Variants in CPA6 observed in about 807,000 individuals in gnomAD.
The protein encoded by CPA6 is carboxypeptidase A6.
In CPA6, 58 loss-of-function variants were observed where a neutral mutation model predicts 63.3. The observed-to-expected ratio is 0.92, with a 90% CI of 0.74 to 1.14. The LOEUF (loss-of-function observed/expected upper bound fraction) is 1.14. Among genes scored for constraint, CPA6 ranks in the 50% most tolerant of loss-of-function variants. CPA6 has a pLI of 0.00. For synonymous variants in CPA6, 185 were observed against 179.0 expected, an observed-to-expected ratio of 1.03 and a Z score of -0.27; for missense variants, 565 against 526.6, an observed-to-expected ratio of 1.07 and a Z score of -0.71.
intron 2 of CPA6, among the ~76,000 whole-genome samples, chr8:67,591,159 T>A (rs1171956177): frequency 6.6e-6 from 1 of 152,218 alleles, no homozygotes; most frequent in East Asian, 1.9e-4. Context: ...TCCCCATTGC[T>A]TGTTTTTCTC....
intron 2 of CPA6, among the ~76,000 whole-genome samples, chr8:67,611,412 C>A (rs1814804411): frequency 6.6e-6 from 1 of 152,110 alleles, no homozygotes; most frequent in Admixed American, 6.6e-5. Context: ...TCTCTATATT[C>A]CACTTTAGAT....
At chr8:67,524,677 A>T (rs1032896907) in intron 2 of CPA6, among the ~76,000 whole-genome samples, 1 of 151,584 alleles carries the variant, frequency 6.6e-6, no homozygotes, top group African/African-American at 2.4e-5. Flanking sequence ...GGACTCGGAC[A>T]TACCTTTTTT....
intron 6 of CPA6, among the ~76,000 whole-genome samples, chr8:67,488,651 C>T (rs1322864681): frequency 6.6e-6 from 1 of 152,190 alleles, no homozygotes; most frequent in African/African-American, 2.4e-5. Context: ...GGCAGTATGG[C>T]CATTTTCATG....
At chr8:67,740,968 A>G (rs991160789) in intron 1 of CPA6, among the ~76,000 whole-genome samples, 2 of 152,166 alleles carry the variant, frequency 1.3e-5, no homozygotes, top group Admixed American at 1.3e-4. Flanking sequence ...ACAAATAACC[A>G]TAAGTGGGGC....
intron 2 of CPA6, among the ~76,000 whole-genome samples, chr8:67,604,286 A>C (rs552520575): frequency 1.3e-5 from 2 of 152,342 alleles, no homozygotes; most frequent in African/African-American, 2.4e-5. Flanking sequence ...GGCAGTTAGC[A>C]AAAGCTTTCT....
intron 1 of CPA6, among the ~76,000 whole-genome samples, chr8:67,651,778 C>T (rs1413844590): frequency 6.6e-6 from 1 of 151,816 alleles, no homozygotes; most frequent in Non-Finnish European, 1.5e-5. Context: ...TTTTAGGGTA[C>T]ATGTGCACAT....
chr8:67,660,326 T>A (rs1359024131), intron 1 of CPA6, among the ~76,000 whole-genome samples: 1 of 116,532 alleles, frequency 8.6e-6, no homozygotes, highest in Non-Finnish European at 1.8e-5. Flanking sequence ...TTGCAGGTTT[T>A]TTTTTTTTTT....
chr8:67,736,419 A>T (rs1209429145), intron 1 of CPA6, among the ~76,000 whole-genome samples: 3 of 151,730 alleles, frequency 2.0e-5, no homozygotes, highest in Non-Finnish European at 2.9e-5. Flanking sequence ...TCCATTCACC[A>T]CTCCACCAAA....
intron 1 of CPA6, among the ~76,000 whole-genome samples, chr8:67,721,541 T>C (rs776485307): frequency 1.3e-5 from 2 of 152,208 alleles, no homozygotes; most frequent in African/African-American, 2.4e-5. Context: ...ACAAAGTATA[T>C]GCATTGTAGC....
At chr8:67,731,712 C>T (rs1817708177) in intron 1 of CPA6, among the ~76,000 whole-genome samples, 1 of 152,148 alleles carries the variant, frequency 6.6e-6, no homozygotes, top group African/African-American at 2.4e-5. Context: ...AGTAGGGGAA[C>T]CAAGTACAGA....
intron 2 of CPA6, among the ~76,000 whole-genome samples, chr8:67,592,072 A>G (rs1814143414): frequency 6.6e-6 from 1 of 152,168 alleles, no homozygotes; most frequent in Non-Finnish European, 1.5e-5. Context: ...TCAATACCCA[A>G]TTTATTGAGA....
At chr8:67,546,039 C>A (rs1174973049) in intron 2 of CPA6, among the ~76,000 whole-genome samples, 1 of 152,186 alleles carries the variant, frequency 6.6e-6, no homozygotes, top group Non-Finnish European at 1.5e-5. Flanking sequence ...CATCCCCTGG[C>A]AGGATGGGTT....
intron 8 of CPA6, among the ~76,000 whole-genome samples, chr8:67,465,570 TC>T (rs1232314526): frequency 6.6e-6 from 1 of 152,190 alleles, no homozygotes; most frequent in East Asian, 1.9e-4. Context: ...CCTGTTTTGT[TC>T]CAGTTCACAA....
At chr8:67,580,553 T>C (rs1404611361) in intron 2 of CPA6, among the ~76,000 whole-genome samples, 1 of 152,212 alleles carries the variant, frequency 6.6e-6, no homozygotes, top group East Asian at 1.9e-4. Flanking sequence ...GGCAAGAGTA[T>C]GTTTACCTAA....
intron 8 of CPA6, among the ~76,000 whole-genome samples, chr8:67,439,349 A>G (rs1810235724): frequency 6.6e-6 from 1 of 151,810 alleles, no homozygotes; most frequent in Non-Finnish European, 1.5e-5. Flanking sequence ...GCACTTTGGG[A>G]GCCAAGGCAG....
chr8:67,636,890 TG>T (rs968720445), intron 1 of CPA6, among the ~76,000 whole-genome samples: 1 of 151,618 alleles, frequency 6.6e-6, no homozygotes, highest in African/African-American at 2.4e-5. Flanking sequence ...TATGTTTTGA[TG>T]CACATGAAAA....
chr8:67,496,521 A>T (rs572466022), intron 6 of CPA6, among the ~76,000 whole-genome samples: 367 of 14,376 alleles, frequency 0.026, 2 homozygotes, highest in Non-Finnish European at 0.068. Flanking sequence ...TATATAGTTT[A>T]TATATATATA....
intron 1 of CPA6, among the ~76,000 whole-genome samples, chr8:67,675,585 T>C (rs1171016245): frequency 6.6e-6 from 1 of 152,192 alleles, no homozygotes; most frequent in Non-Finnish European, 1.5e-5. Flanking sequence ...ACTCAGCATT[T>C]CCATGGGACC....
rs1229960244 is a variant in CPA6 at position 67,436,388 on chromosome 8, T to A, written c.839-2148A>T. On this transcript the variant is annotated intron_variant, in intron 8 of 10. Coordinates refer to ENST00000297770, the MANE Select transcript of CPA6 (RefSeq NM_020361.5). ...TGTTTGGGTTTTTGTTGTTGGGTAT[T>A]TTTTTTTTTTTTAATAAAGAAAAGA... is the stretch of plus-strand genomic sequence containing the variant. Among the ~76,000 whole-genome samples the A allele has an allele frequency of 1.1e-4, 8 of 70,800 alleles. No individual in the cohort carries two copies. The South Asian group carries it at 1.7e-3, about 15-fold the overall frequency. The allele number at this position is 70,800 out of a possible 152,430, so 46.4% of individuals were successfully genotyped here.
Sources: gnomAD v4.1 joint callset for allele counts (sites outside exome capture counted in the v4.1 genomes callset) on GRCh38, gnomAD v4.1.1 for gene constraint, MANE v1.5 for transcripts, NCBI Gene and HGNC (gene_info 2026-07-23, HGNC 2026-07-21) for gene names.